Variants in DLG2 observed in about 807,000 individuals in gnomAD.
The protein encoded by DLG2 is discs large MAGUK scaffold protein 2, also known as disks large homolog 2.
A neutral mutation model predicts 132.5 loss-of-function variants in DLG2; 45 were observed. The observed-to-expected ratio is 0.34, with a 90% CI of 0.27 to 0.44. DLG2 has a LOEUF of 0.44. Ranked by LOEUF, DLG2 falls within the 20% of genes least tolerant of loss-of-function variation. DLG2 has a pLI of 1.00. For synonymous variants in DLG2, 424 were observed against 419.6 expected, an observed-to-expected ratio of 1.01 and a Z score of -0.13; for missense variants, 1,045 against 1,196.9, an observed-to-expected ratio of 0.87 and a Z score of 1.87.
chr11:85,228,514 CT>C (rs1200631891), intron 4 of DLG2, among the ~76,000 whole-genome samples: 2 of 152,110 alleles, frequency 1.3e-5, no homozygotes, highest in Admixed American at 6.6e-5. Flanking sequence ...TTGGTAATTC[CT>C]TCACCAAGGG....
At chr11:84,947,970 C>A (rs534616290) in intron 6 of DLG2, among the ~76,000 whole-genome samples, 1 of 152,290 alleles carries the variant, frequency 6.6e-6, no homozygotes, top group South Asian at 2.1e-4. Flanking sequence ...GAGAAGTGTA[C>A]TGGGCCGTTA....
rs564835583 is a variant in DLG2, at chr11:83,886,806, A to T, written c.1497-12318T>A. ...AGGATTAAGAAACTCACTCAAAACC[A>T]CTCAACTACATGGAAACTGAACAAC... is the stretch of plus-strand genomic sequence containing the variant. On this transcript the variant is annotated intron_variant, in intron 15 of 27. Transcript: ENST00000376104. Among the ~76,000 whole-genome samples, 4 of 152,108 alleles carry T rather than the reference A, an allele frequency of 2.6e-5. No individual in the cohort carries two copies. In the East Asian group the frequency reaches 7.7e-4, roughly 29 times the overall value.
chr11:85,601,333 G>A (rs2080140834), intron 2 of DLG2, among the ~76,000 whole-genome samples: 1 of 151,826 alleles, frequency 6.6e-6, no homozygotes, highest in Non-Finnish European at 1.5e-5. Context: ...ATTTTTAAGT[G>A]GTTGAGTTTA....
intron 7 of DLG2, among the ~76,000 whole-genome samples, chr11:84,500,349 GA>G (rs147115246): frequency 0.32 from 36,290 of 114,370 alleles, 4,475 homozygotes; most frequent in South Asian, 0.43. Context: ...TTGGTTGCAA[GA>G]AAAAAAAAAA....
intron 3 of DLG2, among the ~76,000 whole-genome samples, chr11:85,481,369 C>G (rs771073760): frequency 6.6e-6 from 1 of 152,158 alleles, no homozygotes; most frequent in African/African-American, 2.4e-5. Context: ...CACAAAAATA[C>G]TTTCACAATA....
At chr11:84,910,762 AAACAACAACAACAACAAC>A (rs59825403) in intron 6 of DLG2, among the ~76,000 whole-genome samples, 3 of 141,296 alleles carry the variant, frequency 2.1e-5, no homozygotes, top group African/African-American at 7.5e-5. Flanking sequence ...AAGGAAGAAA[AAACAACAACAACAACAAC>A]AACAACAACA....
intron 7 of DLG2, among the ~76,000 whole-genome samples, chr11:84,479,368 C>A (rs989619249): frequency 5.9e-5 from 9 of 152,002 alleles, no homozygotes; most frequent in African/African-American, 2.2e-4. Context: ...TCTAATATAC[C>A]TTTTCTGAGT....
intron 3 of DLG2, among the ~76,000 whole-genome samples, chr11:85,502,282 G>C (rs186262675): frequency 1.4e-4 from 22 of 151,868 alleles, no homozygotes; most frequent in African/African-American, 5.1e-4. Context: ...TGGTGGGCTA[G>C]GGGAGGGATA....
At chr11:84,557,921 A>G (rs1196676412) in intron 6 of DLG2, among the ~76,000 whole-genome samples, 1 of 152,150 alleles carries the variant, frequency 6.6e-6, no homozygotes, top group Admixed American at 6.6e-5. Flanking sequence ...TCAGAAATAT[A>G]CCAATTTACA....
intron 6 of DLG2, among the ~76,000 whole-genome samples, chr11:84,918,052 T>C (rs2092574173): frequency 6.6e-6 from 1 of 152,170 alleles, no homozygotes; most frequent in Non-Finnish European, 1.5e-5. Context: ...GTGGGACACA[T>C]CATAGGATCT....
intron 7 of DLG2, among the ~76,000 whole-genome samples, chr11:84,308,155 G>T (rs2098247187): frequency 6.6e-6 from 1 of 152,076 alleles, no homozygotes; most frequent in African/African-American, 2.4e-5. Context: ...CCTGCTGATT[G>T]GTTCATTTTA....
At chr11:83,970,107 T>G (rs1778054146) in intron 12 of DLG2, among the ~76,000 whole-genome samples, 1 of 152,116 alleles carries the variant, frequency 6.6e-6, no homozygotes, top group South Asian at 2.1e-4. Context: ...CTAACTGGAT[T>G]AGATTATAAG....
At chr11:83,740,504 A>G (rs2092417944) in intron 18 of DLG2, among the ~76,000 whole-genome samples, 1 of 152,194 alleles carries the variant, frequency 6.6e-6, no homozygotes, top group Non-Finnish European at 1.5e-5. Flanking sequence ...CTTCAGAAGG[A>G]GGCAGTACTT....
chr11:85,133,347 A>G (rs1266999431), intron 5 of DLG2, among the ~76,000 whole-genome samples: 1 of 152,222 alleles, frequency 6.6e-6, no homozygotes, highest in Non-Finnish European at 1.5e-5. Flanking sequence ...TTGGATAATA[A>G]AATGCTATTT....
intron 11 of DLG2, among the ~76,000 whole-genome samples, chr11:84,034,615 C>T (rs181246268): frequency 1.3e-5 from 2 of 152,050 alleles, no homozygotes; most frequent in Admixed American, 1.3e-4. Context: ...AATGGATGAG[C>T]AATGTGGTTC....
chr11:84,111,590 T>A (rs1392254246), intron 9 of DLG2, among the ~76,000 whole-genome samples: 1 of 152,122 alleles, frequency 6.6e-6, no homozygotes, highest in East Asian at 1.9e-4. Flanking sequence ...TAAGGAAGGG[T>A]CAGGTGAAGG....
At chr11:85,221,078 T>C (rs2074609039) in intron 4 of DLG2, among the ~76,000 whole-genome samples, 1 of 151,830 alleles carries the variant, frequency 6.6e-6, no homozygotes, top group African/African-American at 2.4e-5. Context: ...AGTCTCACTC[T>C]GTCGCCCAGG....
intron 6 of DLG2, among the ~76,000 whole-genome samples, chr11:84,665,152 T>A: frequency 6.6e-6 from 1 of 152,040 alleles, no homozygotes; most frequent in Non-Finnish European, 1.5e-5. Context: ...AGCAAAAAAA[T>A]AAAGATTTGT....
At chr11:83,704,062 A>T (rs1363585052) in intron 18 of DLG2, among the ~76,000 whole-genome samples, 2 of 152,204 alleles carry the variant, frequency 1.3e-5, no homozygotes, top group East Asian at 1.9e-4. Flanking sequence ...AGGACCTACA[A>T]CAAAATCAAT....
Sources: gnomAD v4.1 joint callset for allele counts (sites outside exome capture counted in the v4.1 genomes callset) on GRCh38, gnomAD v4.1.1 for gene constraint, MANE v1.5 for transcripts, NCBI Gene and HGNC (gene_info 2026-07-23, HGNC 2026-07-21) for gene names.